Variants in ARMC2 observed in about 807,000 individuals in gnomAD.
ARMC2 encodes the protein armadillo repeat-containing protein 2.
Under a neutral mutation model 90.3 loss-of-function variants are expected in ARMC2, and 67 were observed. That is an observed-to-expected ratio of 0.74 (90% CI 0.61 to 0.91). The LOEUF (loss-of-function observed/expected upper bound fraction) is 0.91. Ranked by LOEUF, ARMC2 falls within the 40% of genes least tolerant of loss-of-function variation. The pLI is 0.00. For synonymous variants in ARMC2, 393 were observed against 393.0 expected (o/e 1.00, Z 0.00); for missense variants, 920 against 1,030.9 (o/e 0.89, Z 1.47).
the ARMC2 span, among the ~76,000 whole-genome samples, chr6:109,020,701 T>A: frequency 1.3e-5 from 2 of 152,196 alleles, no homozygotes; most frequent in Non-Finnish European, 2.9e-5. Context: ...ATCACTGTTA[T>A]ATTTAGCACA....
Position 108,901,489 on chromosome 6 carries a change from C to T in ARMC2, c.847+1697C>T, listed in dbSNP as rs570735923. ...GGAGTGCAGTGGCACGATCTCAGCT[C>T]ACTGCAACCTCCATCTCCTGGGTTC... On this transcript the variant is annotated intron_variant, in intron 7 of 17. Transcript: ENST00000392644. Among the ~76,000 whole-genome samples the T allele has an allele frequency of 3.4e-4, 51 of 151,818 alleles. No homozygotes were observed. In the East Asian group the frequency reaches 9.3e-3, roughly 28 times the overall value.
the ARMC2 span, among the ~76,000 whole-genome samples, chr6:109,040,641 G>A: frequency 6.6e-6 from 1 of 151,128 alleles, no homozygotes; most frequent in Non-Finnish European, 1.5e-5. Flanking sequence ...ACATATATGT[G>A]ACAAACTAGC....
chr6:109,040,329 CTG>C, the ARMC2 span, among the ~76,000 whole-genome samples: 14,005 of 152,018 alleles, frequency 0.092, 854 homozygotes, highest in Middle Eastern at 0.19. Context: ...AGTATTACGA[CTG>C]AGGATTTTTT....
At chr6:108,992,587 T>C in the ARMC2 span, among the ~76,000 whole-genome samples, 1 of 152,242 alleles carries the variant, frequency 6.6e-6, no homozygotes, top group African/African-American at 2.4e-5. Flanking sequence ...CAATAAAATT[T>C]TTAAGATATA....
the ARMC2 span, chr6:108,998,556 T>G: frequency 6.2e-7 from 1 of 1,613,956 alleles, no homozygotes; most frequent in Non-Finnish European, 8.5e-7. Flanking sequence ...ATCCACACTG[T>G]GATTGCCATT....
intron 3 of ARMC2, among the ~76,000 whole-genome samples, chr6:108,865,044 G>A (rs1348729178): frequency 1.3e-5 from 2 of 150,616 alleles, no homozygotes; most frequent in Non-Finnish European, 2.9e-5. Context: ...TGTCACCTGG[G>A]CTGGAGTGCA....
the ARMC2 span, among the ~76,000 whole-genome samples, chr6:109,026,629 C>T: frequency 1.1e-4 from 17 of 152,144 alleles, no homozygotes; most frequent in South Asian, 3.3e-3. Flanking sequence ...CTCAGCCTCC[C>T]GAGTAGCTAG....
chr6:109,004,006 C>G, the ARMC2 span, among the ~76,000 whole-genome samples: 1 of 152,036 alleles, frequency 6.6e-6, no homozygotes, highest in South Asian at 2.1e-4. Context: ...AGACTTGGGA[C>G]TTTAGTATAC....
At chr6:108,869,086 C>T (rs1338123260) in intron 4 of ARMC2, 91 bp downstream of exon 4, 6 of 1,346,424 alleles carry the variant, frequency 4.5e-6, no homozygotes, top group Non-Finnish European at 5.0e-6. Flanking sequence ...TTTTCCTAAC[C>T]CTGGATGATT....
chr6:108,939,682 C>A (rs943001019), intron 12 of ARMC2, among the ~76,000 whole-genome samples: 1 of 152,070 alleles, frequency 6.6e-6, no homozygotes, highest in Non-Finnish European at 1.5e-5. Flanking sequence ...TGTAGCAATG[C>A]AAGAACAGAC....
the ARMC2 span, among the ~76,000 whole-genome samples, chr6:108,999,649 A>G: frequency 1.3e-5 from 2 of 152,204 alleles, no homozygotes; most frequent in East Asian, 1.9e-4. Flanking sequence ...ATGTGGGACA[A>G]CAGGAATGCT....
At chr6:108,990,035 G>A in the ARMC2 span, among the ~76,000 whole-genome samples, 1 of 152,182 alleles carries the variant, frequency 6.6e-6, no homozygotes, top group Non-Finnish European at 1.5e-5. Flanking sequence ...TTTGACCAGA[G>A]TCTCTGATAA....
intron 12 of ARMC2, among the ~76,000 whole-genome samples, chr6:108,937,987 A>G (rs1485137066): frequency 6.6e-6 from 1 of 152,244 alleles, no homozygotes; most frequent in Non-Finnish European, 1.5e-5. Flanking sequence ...GGCGTGAGCC[A>G]CTGCACCCGG....
the ARMC2 span, among the ~76,000 whole-genome samples, chr6:109,046,559 A>AG: frequency 7.2e-6 from 1 of 139,550 alleles, no homozygotes. Context: ...CTGGGATGTG[A>AG]GGAGCCCCTC....
intron 12 of ARMC2, among the ~76,000 whole-genome samples, chr6:108,939,706 A>T (rs1776280869): frequency 6.6e-6 from 1 of 152,214 alleles, no homozygotes; most frequent in Non-Finnish European, 1.5e-5. Context: ...AATACCTATT[A>T]AAATTATTTT....
At chr6:108,866,313 A>G (rs550912351) in intron 3 of ARMC2, among the ~76,000 whole-genome samples, 2 of 152,304 alleles carry the variant, frequency 1.3e-5, no homozygotes, top group Admixed American at 6.5e-5. Flanking sequence ...TAACATTCCT[A>G]TGATTATTTT....
the ARMC2 span, chr6:108,990,599 G>C: frequency 6.4e-7 from 1 of 1,557,546 alleles, no homozygotes; most frequent in Non-Finnish European, 8.8e-7. Flanking sequence ...TGAATAATTT[G>C]GCCCAGAGGA....
chr6:109,019,925 A>G, the ARMC2 span, among the ~76,000 whole-genome samples: 29 of 152,218 alleles, frequency 1.9e-4, 1 homozygote, highest in Non-Finnish European at 4.1e-4. Flanking sequence ...ATCTTCAAAT[A>G]TTGCACACTA....
At chr6:108,867,735 C>G (rs1775964205) in intron 3 of ARMC2, among the ~76,000 whole-genome samples, 1 of 151,980 alleles carries the variant, frequency 6.6e-6, no homozygotes, top group African/African-American at 2.4e-5. Context: ...CGTGCCATTG[C>G]ACTCCAGCCT....
Sources: gnomAD v4.1 joint callset for allele counts (sites outside exome capture counted in the v4.1 genomes callset) on GRCh38, gnomAD v4.1.1 for gene constraint, MANE v1.5 for transcripts, NCBI Gene and HGNC (gene_info 2026-07-23, HGNC 2026-07-21) for gene names.